The following SIPA1L3 variants were observed in gnomAD, a reference collection of about 807,000 sequenced individuals.
SIPA1L3 encodes signal induced proliferation associated 1 like 3, also known as signal-induced proliferation-associated 1-like protein 3.
A neutral mutation model predicts 150.1 loss-of-function variants in SIPA1L3; 59 were observed. The observed-to-expected ratio is 0.39, with a 90% CI of 0.32 to 0.49. The LOEUF (loss-of-function observed/expected upper bound fraction) is 0.49, where lower values mean the gene tolerates loss of function less well. SIPA1L3 is among the 20% of genes least tolerant of loss of function. The probability of loss-of-function intolerance (pLI) is 0.86; values close to 1 mark genes in which losing one functional copy is unlikely to be tolerated. For missense variants in SIPA1L3, 2,211 were observed against 2,489.5 expected (o/e 0.89, Z 2.38); for synonymous variants, 1,070 against 1,077.6 (o/e 0.99, Z 0.14).
intron 15 of SIPA1L3, among the ~76,000 whole-genome samples, chr19:38,174,756 G>A (rs1287234581): frequency 1.3e-5 from 2 of 151,716 alleles, no homozygotes; most frequent in Non-Finnish European, 2.9e-5. Flanking sequence ...AGGCTGAGGC[G>A]AGAGAATCAC....
chr19:37,933,488 A>G (rs1419644510), intron 1 of SIPA1L3, among the ~76,000 whole-genome samples: 2 of 152,168 alleles, frequency 1.3e-5, no homozygotes, highest in Non-Finnish European at 2.9e-5. Flanking sequence ...TAGGCTCCAT[A>G]GAAGCACAGG....
In SIPA1L3 at chr19:38,012,964, T is replaced by G. The variant is rs147831421; in HGVS notation, c.-378-16125T>G. ...TGTGTCTTGTTTCTGGCCTTGTTCT[T>G]GAGAGTGCAGGTCCCACAGGCAGTG... On this transcript the variant is annotated intron_variant, in intron 1 of 21. Coordinates refer to ENST00000222345, the MANE Select transcript of SIPA1L3 (RefSeq NM_015073.3). 9.7e-4 allele frequency among the ~76,000 whole-genome samples: 148 copies of G among 152,326 alleles called. 2 individuals carry two copies. The East Asian group carries it at 0.019, about 20-fold the overall frequency.
intron 1 of SIPA1L3, among the ~76,000 whole-genome samples, chr19:37,927,928 A>C (rs2046521020): frequency 6.6e-6 from 1 of 152,044 alleles, no homozygotes; most frequent in Non-Finnish European, 1.5e-5. Flanking sequence ...GTACCACATT[A>C]TCTTTGTCCA....
intron 1 of SIPA1L3, among the ~76,000 whole-genome samples, chr19:37,977,934 G>A (rs1967112435): frequency 6.6e-6 from 1 of 152,234 alleles, no homozygotes; most frequent in Non-Finnish European, 1.5e-5. Context: ...AACACACAGG[G>A]AAGTGCAAGA....
At chr19:38,145,865 C>G (rs78486583) in intron 12 of SIPA1L3, among the ~76,000 whole-genome samples, 2 of 145,522 alleles carry the variant, frequency 1.4e-5, no homozygotes, top group Non-Finnish European at 3.0e-5. Context: ...TTCTGAGGCT[C>G]TTTTTTTTTT....
chr19:37,952,873 C>A (rs1568476951), intron 1 of SIPA1L3, among the ~76,000 whole-genome samples: 1 of 152,168 alleles, frequency 6.6e-6, no homozygotes, highest in East Asian at 1.9e-4. Flanking sequence ...GGGCCTGAGG[C>A]CTGGGTATCT....
At position 38,078,438 on chromosome 19, in the gene SIPA1L3, GCACACACA is replaced by G. The variant is rs66830496; in HGVS notation, c.-310-2793_-310-2786del. Among the ~76,000 whole-genome samples, 27 of 138,998 alleles carry G rather than the reference GCACACACA, an allele frequency of 1.9e-4. No individual in the cohort carries two copies. The South Asian group carries it at 3.5e-3, about 18-fold the overall frequency. The allele number at this position is 138,998 out of a possible 152,430, so 91.2% of individuals were successfully genotyped here. A position where few individuals can be genotyped will look rare whatever the true frequency, so the allele number is the denominator to read the frequency against. ...AGCCCCCCTACACATGCGCATACAT[GCACACACA>G]CACACACACACACACACACACACAG... On this transcript the variant is annotated intron_variant, in intron 2 of 21. Transcript: ENST00000222345.
At chr19:38,088,308 G>A (rs1004848964) in intron 3 of SIPA1L3, among the ~76,000 whole-genome samples, 6 of 152,264 alleles carry the variant, frequency 3.9e-5, no homozygotes, top group African/African-American at 1.4e-4. Context: ...AGTTTCACAA[G>A]GGCTAATCCG....
At chr19:37,990,945 G>A (rs548711197) in intron 1 of SIPA1L3, among the ~76,000 whole-genome samples, 1 of 152,176 alleles carries the variant, frequency 6.6e-6, no homozygotes, top group Non-Finnish European at 1.5e-5. Flanking sequence ...AATAGTAAGT[G>A]GCAGGGGCCA....
At chr19:37,916,901 G>T (rs559428458) in intron 1 of SIPA1L3, among the ~76,000 whole-genome samples, 36 of 151,986 alleles carry the variant, frequency 2.4e-4, no homozygotes, top group African/African-American at 8.7e-4. Flanking sequence ...GACAGTTGCA[G>T]TGAGCCAAGA....
At position 38,164,578 on chromosome 19, in the gene SIPA1L3, C is replaced by G. The variant is rs746708380; in HGVS notation, c.3880C>G (p.Leu1294Val). ...DDRWFDPLDP[L>V]EPEQDPLSKG... ...CCGCTGGTTCGACCCCCTGGACCCC[C>G]TGGAGCCAGAGCAAGACCCCCTCTC... Residue 1294 changes from leucine (L) to valine (V), a missense_variant, in exon 15 of 22, where the codon CTG becomes GTG. Around this residue, in one of 5 missense-constraint regions of SIPA1L3, gnomAD observed 806 missense variants for 870.1 expected, o/e 0.93. Transcript: ENST00000222345. This position sits in a 1 kb window ranked among gnomAD's most constrained non-coding sequence, Gnocchi z 4.1. 1 of 1,614,126 alleles carries G rather than the reference C, an allele frequency of 6.2e-7. No individual in the cohort carries two copies. Among genetic ancestry groups the G allele is most frequent in the Non-Finnish European group, 8.5e-7 (1 of 1,179,990 alleles).
intron 1 of SIPA1L3, among the ~76,000 whole-genome samples, chr19:37,967,169 G>A (rs1643469): frequency 0.3 from 44,970 of 151,574 alleles, 8,190 homozygotes; most frequent in East Asian, 0.68. Context: ...TTGGCATTCC[G>A]TGGCCTCTGC....
chr19:37,968,747 C>G (rs1643468), intron 1 of SIPA1L3, among the ~76,000 whole-genome samples: 41,878 of 152,126 alleles, frequency 0.28, 6,892 homozygotes, highest in East Asian at 0.62. Context: ...TGCAGCAACT[C>G]TGGCCTGACA....
chr19:38,132,936 C>T (rs1971347459), intron 10 of SIPA1L3, among the ~76,000 whole-genome samples: 1 of 152,184 alleles, frequency 6.6e-6, no homozygotes, highest in Non-Finnish European at 1.5e-5. Context: ...ATGTGAGCCA[C>T]CGCGCCTGGC....
chr19:38,023,638 C>G (rs1456009345), intron 1 of SIPA1L3, among the ~76,000 whole-genome samples: 1 of 152,180 alleles, frequency 6.6e-6, no homozygotes, highest in Non-Finnish European at 1.5e-5. Context: ...TGAGTAATCC[C>G]TGATGCCACA....
chr19:37,999,348 GTGA>G (rs1599883541), intron 1 of SIPA1L3, among the ~76,000 whole-genome samples: 2 of 152,314 alleles, frequency 1.3e-5, no homozygotes, highest in East Asian at 3.9e-4. Context: ...AGGGACCTGT[GTGA>G]TGACGGCAAA....
chr19:37,928,238 C>T (rs7250409), intron 1 of SIPA1L3, among the ~76,000 whole-genome samples: 44,539 of 151,970 alleles, frequency 0.29, 7,844 homozygotes, highest in East Asian at 0.6. Flanking sequence ...AGAGCTGTAT[C>T]TTAACTCTAA....
intron 1 of SIPA1L3, among the ~76,000 whole-genome samples, chr19:38,000,897 T>C (rs1967771982): frequency 1.7e-5 from 1 of 58,680 alleles, no homozygotes; most frequent in East Asian, 1.3e-3. Context: ...ATATATGTTA[T>C]ATATATATAT....
intron 2 of SIPA1L3, 102 bp downstream of exon 2, chr19:38,029,258 G>A (rs1027821450): frequency 5.3e-5 from 8 of 152,220 alleles, no homozygotes; most frequent in South Asian, 2.1e-4. Context: ...AAAAATGAAA[G>A]TTTGCATCGC....
Sources: gnomAD v4.1 joint callset for allele counts (sites outside exome capture counted in the v4.1 genomes callset) on GRCh38, gnomAD v4.1.1 for gene constraint, gnomAD v4.1.1 regional missense constraint, Gnocchi (gnomAD v3.1) non-coding constraint, MANE v1.5 for transcripts, NCBI Gene and HGNC (gene_info 2026-07-23, HGNC 2026-07-21) for gene names.